P2RX5: variants seen among roughly 807,000 people sequenced by gnomAD.
P2RX5 encodes the protein P2X purinoceptor 5.
P2RX5 carries 46 observed loss-of-function variants against 54.1 expected under a neutral mutation model. The observed-to-expected ratio is 0.85, with a 90% CI of 0.67 to 1.09. The LOEUF (loss-of-function observed/expected upper bound fraction) is 1.09, where lower values mean the gene tolerates loss of function less well. Ranked by LOEUF, P2RX5 falls within the 50% of genes least tolerant of loss-of-function variation. The probability of loss-of-function intolerance (pLI) is 0.00; values close to 1 mark genes in which losing one functional copy is unlikely to be tolerated. For missense variants in P2RX5, 566 were observed against 549.8 expected (o/e 1.03, Z -0.29); for synonymous variants, 226 against 226.4 (o/e 1.00, Z 0.02).
chr17:3,704,318 T>C, the P2RX5 span, among the ~76,000 whole-genome samples: 1 of 152,142 alleles, frequency 6.6e-6, no homozygotes, highest in Non-Finnish European at 1.5e-5. Flanking sequence ...GACCCAGCCT[T>C]CCTGCCGAGT....
chr17:3,690,991 C>T lies in P2RX5; in HGVS notation c.325G>A (p.Val109Met), dbSNP rs1257065878. The change falls in exon 3 of 12, where the codon GTG (valine) becomes ATG (methionine). Residue 109 changes from valine (V) to methionine (M), a missense_variant. Val to Met is a conservative substitution (Grantham distance 21). Transcript: ENST00000225328. ...NVFFVVTNLI[V>M]TPNQRQNVCA... ...ACGTTCTGCCGCTGGTTGGGGGTCA[C>T]AATCAGGTTGGTGACCACAAAAAAG... The T allele has an allele frequency of 1.9e-6, 3 of 1,612,770 alleles. No homozygotes were observed. The highest frequency in any genetic ancestry group is 1.3e-5 in the African/African-American group (1 of 74,874).
At position 3,695,807 on chromosome 17, in the gene P2RX5, C is replaced by T; in HGVS notation, c.137+62G>A. 2.5e-6 allele frequency: 4 copies of T among 1,591,682 alleles called. No individual in the cohort carries two copies. In the South Asian group the frequency reaches 3.3e-5, roughly 13 times the overall value. On this transcript the variant is annotated intron_variant, in intron 1 of 11. Coordinates refer to ENST00000225328, the MANE Select transcript of P2RX5 (RefSeq NM_002561.4). ...CGAATTCCAGGACCCTGGAGAAGGA[C>T]GCGGCGGCTGGCACCCGCCCTGCCC...
chr17:3,716,671 C>G, the P2RX5 span: 1 of 1,414,706 alleles, frequency 7.1e-7, no homozygotes, highest in South Asian at 1.2e-5. Flanking sequence ...CACTGTGATG[C>G]CATGAGTAGA....
chr17:3,681,963 C>G lies in P2RX5; in HGVS notation c.997G>C (p.Asp333His), dbSNP rs375878631. The change falls in exon 10 of 12, where the codon GAC (aspartate) becomes CAC (histidine). Residue 333 changes from aspartate (D) to histidine (H), a missense_variant. Transcript: ENST00000225328. Reference sequence around the variant, plus strand: ...TTGATGAGGTAGATGAGTACCAGGTCGCAGAAGAAAGCACCCTGCAAAACA... The same window carrying G: ...TTGATGAGGTAGATGAGTACCAGGTGGCAGAAGAAAGCACCCTGCAAAACA... ...MVNGKGAFFC[D>H]LVLIYLIKKR... The G allele has an allele frequency of 7.3e-5, 118 of 1,612,980 alleles. No individual in the cohort carries two copies. The highest frequency in any genetic ancestry group is 8.1e-5 in the Non-Finnish European group (95 of 1,179,198).
chr17:3,682,381 T>A (rs2050308952), intron 9 of P2RX5: 1 of 339,630 alleles, frequency 2.9e-6, no homozygotes, highest in Non-Finnish European at 5.8e-6. Context: ...ACGACCCACA[T>A]AGGACTTCAC....
intron 11 of P2RX5, among the ~76,000 whole-genome samples, chr17:3,678,624 T>C (rs1209163094): frequency 2.6e-5 from 4 of 152,218 alleles, no homozygotes; most frequent in African/African-American, 7.2e-5. Flanking sequence ...GCCCAGTCTA[T>C]TTCTTGCTCC....
chr17:3,691,381 C>T (rs974720287), intron 2 of P2RX5, among the ~76,000 whole-genome samples: 1 of 152,228 alleles, frequency 6.6e-6, no homozygotes, highest in African/African-American at 2.4e-5. Flanking sequence ...CTCACAATGA[C>T]CTGAAAGTTC....
Position 3,690,677 on chromosome 17 carries a change from C to T in P2RX5, c.364G>A (p.Glu122Lys). The change falls in exon 4 of 12, where the codon GAA (glutamate) becomes AAA (lysine). Residue 122 changes from glutamate to lysine, a missense_variant. Physicochemically the swap from Glu to Lys is moderately conservative, Grantham distance 56. Transcript: ENST00000225328. ...GAGCACGCGCCATCAGGAATGCCTT[C>T]ATTCTGCCAGGAGAGAAGGGGCACC... ...NQRQNVCAEN[E>K]GIPDGACSKD... 2 of 1,613,192 alleles carry T rather than the reference C, an allele frequency of 1.2e-6. No homozygotes were observed. Among genetic ancestry groups the T allele is most frequent in the Non-Finnish European group, 8.5e-7 (1 of 1,180,024 alleles).
At chr17:3,701,320 A>G in the P2RX5 span, among the ~76,000 whole-genome samples, 1 of 152,190 alleles carries the variant, frequency 6.6e-6, no homozygotes, top group Non-Finnish European at 1.5e-5. Context: ...AATGTGACCC[A>G]GGGAAGTCAA....
rs143675939 is a variant in P2RX5, at chr17:3,679,765, G to A, written c.1084C>T (p.Gln362Ter). Residue 362 changes from glutamine to a stop codon, truncating the protein, a stop_gained, in exon 11 of 12, where the codon CAG becomes TAG. Coordinates refer to ENST00000225328, the MANE Select transcript of P2RX5 (RefSeq NM_002561.4). LOFTEE classifies it high-confidence loss of function. ...CCCGATGCCTCGTCCTCGGCCTCCT[G>A]GGAACTGTCTTCTAGGCCCCTGGAC... ...EEVRGLEDSS[Q>*]EAEDEASGLG... 1,256 of 1,611,090 alleles carry A rather than the reference G, an allele frequency of 7.8e-4. 8 individuals carry two copies. The African/African-American group carries it at 0.012, about 15-fold the overall frequency.
chr17:3,684,421 TAGTG>T (rs776935020), intron 9 of P2RX5, among the ~76,000 whole-genome samples: 13 of 152,270 alleles, frequency 8.5e-5, no homozygotes, highest in East Asian at 7.7e-4. Flanking sequence ...CTGGCCAACA[TAGTG>T]AGACCCCATT....
chr17:3,675,555 TTTC>T (rs1395722100), intron 11 of P2RX5: 11 of 983,908 alleles, frequency 1.1e-5, no homozygotes, highest in Admixed American at 1.2e-4. Flanking sequence ...GGATCTTCAC[TTTC>T]TTTTTTTTTT....
chr17:3,722,319 A>G, the P2RX5 span: 2 of 150,400 alleles, frequency 1.3e-5, no homozygotes, highest in Non-Finnish European at 3.0e-5. Context: ...CCTCTCTACT[A>G]AAAATACAAA....
chr17:3,678,880 C>T (rs1360989085), intron 11 of P2RX5, among the ~76,000 whole-genome samples: 6 of 152,210 alleles, frequency 3.9e-5, no homozygotes, highest in African/African-American at 9.7e-5. Flanking sequence ...GCAAGGCAGA[C>T]GCAGAGCAGG....
chr17:3,696,771 T>C (rs757837477), upstream of P2RX5, among the ~76,000 whole-genome samples: 20 of 152,168 alleles, frequency 1.3e-4, no homozygotes, highest in Non-Finnish European at 5.9e-5. Context: ...AAAACTCCCC[T>C]TTCTCTCGCA....
rs1056602378 is a variant in P2RX5, at chr17:3,673,448, G to C, written c.*420C>G. 1.8e-6 allele frequency: 2 copies of C among 1,096,756 alleles called. No homozygotes were observed. Among genetic ancestry groups the C allele is most frequent in the East Asian group, 1.3e-4 (2 of 14,846 alleles). The allele number at this position is 1,096,756 out of a possible 1,614,324, so 67.9% of individuals were successfully genotyped here. A position where few individuals can be genotyped will look rare whatever the true frequency, so the allele number is the denominator to read the frequency against. The stretch of plus-strand genomic sequence containing the variant: ...GAAGCTGCGGCACTTGCAGAGGGGA[G>C]TGGGCTGGAACCAAATGGAGCCCTT... On this transcript the variant is annotated 3_prime_UTR_variant, in exon 12 of 12. Transcript: ENST00000225328.
intron 11 of P2RX5, chr17:3,677,220 C>G: frequency 1.0e-6 from 1 of 985,330 alleles, no homozygotes; most frequent in South Asian, 4.7e-5. Flanking sequence ...TGCTGAGTGG[C>G]GCCATCCTTG....
At chr17:3,675,710 G>A in intron 11 of P2RX5, 2 of 602,478 alleles carry the variant, frequency 3.3e-6, no homozygotes, top group Non-Finnish European at 4.2e-6. Flanking sequence ...TGGACACCAT[G>A]CCCGGCTAAT....
chr17:3,710,649 C>T, the P2RX5 span, among the ~76,000 whole-genome samples: 5 of 151,766 alleles, frequency 3.3e-5, no homozygotes, highest in Admixed American at 2.6e-4. Context: ...AGCAGGAGGC[C>T]GGGCGTGGCA....
Sources: gnomAD v4.1 joint callset for allele counts (sites outside exome capture counted in the v4.1 genomes callset) on GRCh38, gnomAD v4.1.1 for gene constraint, MANE v1.5 for transcripts, NCBI Gene and HGNC (gene_info 2026-07-23, HGNC 2026-07-21) for gene names.